The following RUNX1 variants were observed in gnomAD, a reference collection of about 807,000 sequenced individuals.
RUNX1 encodes the protein RUNX family transcription factor 1, also known as runt-related transcription factor 1.
A neutral mutation model predicts 42.8 loss-of-function variants in RUNX1; 19 were observed. The observed-to-expected ratio is 0.44, with a 90% CI of 0.31 to 0.65. The LOEUF (loss-of-function observed/expected upper bound fraction) is 0.65. RUNX1 is among the 30% of genes least tolerant of loss of function. The pLI, the probability that RUNX1 is intolerant of heterozygous loss-of-function variation, is 0.07. For missense variants in RUNX1, 528 were observed against 672.0 expected (o/e 0.79, Z 2.37); for synonymous variants, 271 against 289.4 (o/e 0.94, Z 0.64).
intron 8 of RUNX1, among the ~76,000 whole-genome samples, chr21:34,795,346 C>A (rs992955132): frequency 6.6e-6 from 1 of 152,146 alleles, no homozygotes; most frequent in Non-Finnish European, 1.5e-5. Context: ...CTCTCTCGCT[C>A]GCTCTCTCGT....
intron 6 of RUNX1, among the ~76,000 whole-genome samples, chr21:34,856,811 G>C (rs1227831560): frequency 6.6e-6 from 1 of 152,152 alleles, no homozygotes; most frequent in Non-Finnish European, 1.5e-5. Flanking sequence ...ATCATGGAGG[G>C]GACTCGGGAG....
chr21:34,836,020 T>C (rs2057140902), intron 6 of RUNX1, among the ~76,000 whole-genome samples: 1 of 152,254 alleles, frequency 6.6e-6, no homozygotes, highest in Non-Finnish European at 1.5e-5. Flanking sequence ...TGACATTGTC[T>C]CAAATTCCAG....
intron 2 of RUNX1, among the ~76,000 whole-genome samples, chr21:34,899,163 C>T (rs1342012140): frequency 6.6e-6 from 1 of 152,202 alleles, no homozygotes; most frequent in Admixed American, 6.5e-5. Flanking sequence ...ATCTGCCCAC[C>T]TCGGCCTCAT....
chr21:34,969,880 T>C (rs1017484906), intron 2 of RUNX1, among the ~76,000 whole-genome samples: 12 of 152,146 alleles, frequency 7.9e-5, no homozygotes, highest in Admixed American at 3.3e-4. Context: ...CTTTGCAAAA[T>C]TGATCATCTT....
At chr21:35,016,409 G>A (rs968315453) in intron 2 of RUNX1, among the ~76,000 whole-genome samples, 3 of 152,228 alleles carry the variant, frequency 2.0e-5, no homozygotes, top group Non-Finnish European at 2.9e-5. Flanking sequence ...AAGTTACAGT[G>A]GGAATAAGGC....
intron 5 of RUNX1, among the ~76,000 whole-genome samples, chr21:34,864,932 T>C (rs1001947738): frequency 6.6e-6 from 1 of 152,144 alleles, no homozygotes; most frequent in Non-Finnish European, 1.5e-5. Context: ...TGGTGATTCA[T>C]TCAGTGTGGA....
intron 3 of RUNX1, among the ~76,000 whole-genome samples, chr21:34,889,178 G>T (rs574110261): frequency 1.3e-4 from 20 of 151,828 alleles, no homozygotes; most frequent in Middle Eastern, 3.4e-3. Context: ...GACGGCCCCA[G>T]ATCCTGCGCG....
intron 6 of RUNX1, among the ~76,000 whole-genome samples, chr21:34,845,974 T>G (rs1008263077): frequency 1.3e-5 from 2 of 152,048 alleles, no homozygotes; most frequent in African/African-American, 4.8e-5. Flanking sequence ...ATTATGAAGA[T>G]AGGTAGGGCA....
chr21:34,979,520 C>T (rs1274469924), intron 2 of RUNX1, among the ~76,000 whole-genome samples: 3 of 152,182 alleles, frequency 2.0e-5, no homozygotes, highest in Non-Finnish European at 4.4e-5. Flanking sequence ...TCAGGAAGAC[C>T]TTGACAAACA....
At chr21:34,987,922 C>A (rs2058904751) in intron 2 of RUNX1, among the ~76,000 whole-genome samples, 1 of 152,236 alleles carries the variant, frequency 6.6e-6, no homozygotes, top group Admixed American at 6.5e-5. Flanking sequence ...ATCCCCAGGG[C>A]ACAGGTGGCC....
intron 8 of RUNX1, among the ~76,000 whole-genome samples, chr21:34,798,369 C>G (rs2056559997): frequency 6.6e-6 from 1 of 152,150 alleles, no homozygotes; most frequent in African/African-American, 2.4e-5. Flanking sequence ...CTCTGATTTC[C>G]CTGCCCACGA....
At chr21:34,857,754 C>A (rs2057515580) in intron 6 of RUNX1, among the ~76,000 whole-genome samples, 1 of 152,282 alleles carries the variant, frequency 6.6e-6, no homozygotes, top group Middle Eastern at 3.4e-3. Context: ...AACAAACTTG[C>A]TTTGGTGTTT....
intron 6 of RUNX1, among the ~76,000 whole-genome samples, chr21:34,837,196 T>C (rs1278433250): frequency 6.6e-6 from 1 of 152,150 alleles, no homozygotes; most frequent in Non-Finnish European, 1.5e-5. Context: ...CTCTAAGCTG[T>C]TTTCTAAGCC....
intron 2 of RUNX1, among the ~76,000 whole-genome samples, chr21:35,012,870 A>G (rs535047739): frequency 1.3e-5 from 2 of 152,348 alleles, no homozygotes; most frequent in Admixed American, 6.5e-5. Flanking sequence ...ATGTCAGACA[A>G]TAAATATTTT....
chr21:34,885,309 C>A (rs1569082810), intron 4 of RUNX1, among the ~76,000 whole-genome samples: 1 of 152,132 alleles, frequency 6.6e-6, no homozygotes, highest in Non-Finnish European at 1.5e-5. Context: ...TGGGTCCCCT[C>A]TCAATGCGGG....
chr21:34,867,752 G>T (rs970181505), intron 5 of RUNX1, among the ~76,000 whole-genome samples: 2 of 152,062 alleles, frequency 1.3e-5, no homozygotes, highest in African/African-American at 4.8e-5. Context: ...CTCAGCTGGG[G>T]AACCAAGTTT....
chr21:34,965,359 C>T (rs548443528), intron 2 of RUNX1, among the ~76,000 whole-genome samples: 4 of 152,170 alleles, frequency 2.6e-5, no homozygotes, highest in Non-Finnish European at 4.4e-5. Flanking sequence ...TCATCTGGAG[C>T]GTTTTTATGC....
At chr21:35,007,316 G>T (rs1410443291) in intron 2 of RUNX1, among the ~76,000 whole-genome samples, 1 of 152,178 alleles carries the variant, frequency 6.6e-6, no homozygotes, top group Admixed American at 6.5e-5. Flanking sequence ...CAGTGGACAT[G>T]TAGCTGTGCT....
In RUNX1 at chr21:34,907,767, CAG is replaced by C. The variant is rs776151790; in HGVS notation, c.59-14806_59-14805del. Among the ~76,000 whole-genome samples, 1 of 152,178 alleles carries C rather than the reference CAG, an allele frequency of 6.6e-6. No homozygotes were observed. The highest frequency in any genetic ancestry group is 1.5e-5 in the Non-Finnish European group (1 of 68,030). ...GGTGAAGGATTATTATGAAATAAAA[CAG>C]AGTGAAGCTGTTTTGAAGGCCATCC... On this transcript the variant is annotated intron_variant, in intron 2 of 8. Coordinates refer to ENST00000675419, the MANE Select transcript of RUNX1 (RefSeq NM_001754.5). This position sits in a 1 kb window ranked among gnomAD's most constrained non-coding sequence, Gnocchi z 5.3.
Sources: gnomAD v4.1 joint callset for allele counts (sites outside exome capture counted in the v4.1 genomes callset) on GRCh38, gnomAD v4.1.1 for gene constraint, Gnocchi (gnomAD v3.1) non-coding constraint, MANE v1.5 for transcripts, NCBI Gene and HGNC (gene_info 2026-07-23, HGNC 2026-07-21) for gene names.